PCSK2: variants seen among roughly 807,000 people sequenced by gnomAD.
PCSK2 encodes the protein neuroendocrine convertase 2.
In PCSK2, 14 loss-of-function variants were observed where a neutral mutation model predicts 69.7. The ratio of observed to expected loss-of-function variants is 0.20; its 90% CI spans 0.13 to 0.31. PCSK2 has a LOEUF of 0.31. Ranked by LOEUF, PCSK2 falls within the 10% of genes least tolerant of loss-of-function variation. The probability of loss-of-function intolerance (pLI) is 1.00; values close to 1 mark genes in which losing one functional copy is unlikely to be tolerated. For missense variants in PCSK2, 544 were observed against 842.5 expected (o/e 0.65, Z 4.39); for synonymous variants, 307 against 320.7 (o/e 0.96, Z 0.46).
At chr20:17,347,273 C>A (rs1260212404) in intron 2 of PCSK2, among the ~76,000 whole-genome samples, 2 of 152,214 alleles carry the variant, frequency 1.3e-5, no homozygotes, top group Non-Finnish European at 2.9e-5. Context: ...CACTCCCTGT[C>A]TGCTGCCTGC....
chr20:17,242,534 G>A (rs61329707), intron 1 of PCSK2, among the ~76,000 whole-genome samples: 4,218 of 152,264 alleles, frequency 0.028, 182 homozygotes, highest in African/African-American at 0.094. Context: ...TACAATCTGA[G>A]GTCTCTATTT....
intron 8 of PCSK2, among the ~76,000 whole-genome samples, chr20:17,447,418 T>TATA (rs1421671790): frequency 6.6e-6 from 1 of 152,070 alleles, no homozygotes; most frequent in Non-Finnish European, 1.5e-5. Context: ...AAAAAATATA[T>TATA]AACTCAAAAC....
intron 5 of PCSK2, among the ~76,000 whole-genome samples, chr20:17,380,761 C>T (rs778758873): frequency 5.9e-5 from 9 of 152,236 alleles, no homozygotes; most frequent in Non-Finnish European, 1.2e-4. Flanking sequence ...TAGCCTCCCC[C>T]TCCCTTCCTG....
intron 2 of PCSK2, among the ~76,000 whole-genome samples, chr20:17,281,399 C>A (rs1369794588): frequency 6.6e-6 from 1 of 152,168 alleles, no homozygotes; most frequent in African/African-American, 2.4e-5. Context: ...TGGGAGCAAA[C>A]CTCGGTAAAG....
intron 8 of PCSK2, among the ~76,000 whole-genome samples, chr20:17,442,784 G>A (rs546726963): frequency 5.9e-5 from 9 of 152,076 alleles, no homozygotes; most frequent in African/African-American, 1.7e-4. Flanking sequence ...GCCCTTTTAC[G>A]CCCCCTTCAG....
chr20:17,400,925 G>C (rs1400335358), intron 5 of PCSK2, among the ~76,000 whole-genome samples: 1 of 152,092 alleles, frequency 6.6e-6, no homozygotes, highest in African/African-American at 2.4e-5. Context: ...TGGAGATTTA[G>C]GTTGTTTCTA....
At chr20:17,226,588 G>A (rs1005825874), upstream of PCSK2, among the ~76,000 whole-genome samples, 13 of 151,450 alleles carry the variant, frequency 8.6e-5, no homozygotes, top group Non-Finnish European at 1.6e-4. Flanking sequence ...GCAGGAAGAG[G>A]CACAGAGGCC....
intron 2 of PCSK2, among the ~76,000 whole-genome samples, chr20:17,329,558 T>C (rs1440288022): frequency 6.6e-6 from 1 of 152,236 alleles, no homozygotes; most frequent in Non-Finnish European, 1.5e-5. Flanking sequence ...ATTACACGTA[T>C]TGAAGTGCAT....
rs532476150 is a variant in PCSK2 at position 17,441,672 on chromosome 20, C to A, written c.885+4789C>A. 4.9e-4 allele frequency among the ~76,000 whole-genome samples: 75 copies of A among 151,880 alleles called. 2 individuals are homozygous for A. In the South Asian group the frequency reaches 0.014, roughly 29 times the overall value. On this transcript the variant is annotated intron_variant, in intron 8 of 11. Coordinates refer to ENST00000262545, the MANE Select transcript of PCSK2 (RefSeq NM_002594.5). Reference sequence around the variant, plus strand: ...GTAGGGAAACTCCCCTTTTTAAAACCATGAGATCTCATGAGATCTCATAAG... The same window carrying A: ...GTAGGGAAACTCCCCTTTTTAAAACAATGAGATCTCATGAGATCTCATAAG...
At chr20:17,265,434 T>A (rs1391124916) in intron 2 of PCSK2, among the ~76,000 whole-genome samples, 2 of 152,128 alleles carry the variant, frequency 1.3e-5, no homozygotes, top group African/African-American at 4.8e-5. Context: ...CATATAGAAA[T>A]TTTCCAATTT....
chr20:17,457,385 G>A (rs1157834707), intron 10 of PCSK2, among the ~76,000 whole-genome samples: 2 of 152,170 alleles, frequency 1.3e-5, no homozygotes, highest in Non-Finnish European at 2.9e-5. Context: ...TTGCAAAGGA[G>A]GCAGGAGTTG....
At chr20:17,378,590 C>CGGAT (rs57945532) in intron 5 of PCSK2, among the ~76,000 whole-genome samples, 8,387 of 136,216 alleles carry the variant, frequency 0.062, 250 homozygotes, top group African/African-American at 0.085. Context: ...GATGGATGGA[C>CGGAT]GGATGGATGG....
chr20:17,281,674 C>T (rs1269269227), intron 2 of PCSK2, among the ~76,000 whole-genome samples: 1 of 152,188 alleles, frequency 6.6e-6, no homozygotes, highest in East Asian at 1.9e-4. Flanking sequence ...ATGTTTGCTG[C>T]CCCCTGTTGG....
chr20:17,370,014 C>T (rs902005444), intron 5 of PCSK2, among the ~76,000 whole-genome samples: 2 of 152,188 alleles, frequency 1.3e-5, no homozygotes, highest in Admixed American at 6.5e-5. Context: ...GGGCTAGAAC[C>T]ACACACTCTA....
At chr20:17,413,256 G>C (rs1177846608) in intron 6 of PCSK2, among the ~76,000 whole-genome samples, 1 of 152,146 alleles carries the variant, frequency 6.6e-6, no homozygotes, top group East Asian at 1.9e-4. Context: ...AAAGAGTCAA[G>C]ACCCATCAGT....
At chr20:17,459,075 C>A (rs553915633) in intron 10 of PCSK2, among the ~76,000 whole-genome samples, 1 of 152,208 alleles carries the variant, frequency 6.6e-6, no homozygotes, top group Non-Finnish European at 1.5e-5. Flanking sequence ...ACAACATTTC[C>A]AAAACTGACC....
chr20:17,450,328 C>T (rs892483536), intron 8 of PCSK2, among the ~76,000 whole-genome samples: 2 of 152,112 alleles, frequency 1.3e-5, no homozygotes, highest in African/African-American at 2.4e-5. Flanking sequence ...GCGCCCGGCT[C>T]TTCCTAAGTA....
intron 6 of PCSK2, among the ~76,000 whole-genome samples, chr20:17,412,083 C>A (rs982723002): frequency 6.6e-5 from 10 of 152,182 alleles, no homozygotes; most frequent in Non-Finnish European, 5.9e-5. Flanking sequence ...GAAACCAGAG[C>A]AGAAAAGCTG....
intron 2 of PCSK2, among the ~76,000 whole-genome samples, chr20:17,282,122 G>T (rs77268042): frequency 0.01 from 1,591 of 152,146 alleles, 22 homozygotes; most frequent in African/African-American, 0.035. Flanking sequence ...TTCTAATGCA[G>T]TTAAGGATGT....
Sources: allele counts gnomAD v4.1 joint callset (sites outside exome capture counted in the v4.1 genomes callset), GRCh38; gene constraint gnomAD v4.1.1; transcripts MANE v1.5; gene names NCBI Gene and HGNC (gene_info 2026-07-23, HGNC 2026-07-21).